Variants in CALU observed in about 807,000 individuals in gnomAD.
CALU encodes the protein IEF SSP 9302.
In CALU, 13 loss-of-function variants were observed where a neutral mutation model predicts 37.5. The observed-to-expected ratio is 0.35, with a 90% CI of 0.23 to 0.55. The LOEUF (loss-of-function observed/expected upper bound fraction) is 0.55, where lower values mean the gene tolerates loss of function less well. CALU is among the 20% of genes least tolerant of loss of function. The pLI is 0.89. For synonymous variants in CALU, 114 were observed against 133.8 expected (o/e 0.85, Z 1.02); for missense variants, 282 against 391.7 (o/e 0.72, Z 2.36).
intron 3 of CALU, among the ~76,000 whole-genome samples, chr7:128,758,439 A>G (rs1362858343): frequency 6.6e-6 from 1 of 152,216 alleles, no homozygotes; most frequent in Non-Finnish European, 1.5e-5. Flanking sequence ...TAAACCTTAC[A>G]ACAATCCTAT....
rs1263659282 is a variant in CALU at position 128,769,144 on chromosome 7, T to C, written c.925T>C (p.Leu309=). ...GSQATDFGEA[L]VRHDEF is the part of the protein sequence containing the mutation. ...CCAGGCCACAGATTTTGGGGAGGCC[T>C]TAGTACGGCATGATGAGTTCTGAGC... The change falls in exon 7 of 7, where the codon TTA becomes CTA. Residue 309 remains leucine, a synonymous_variant. Transcript: ENST00000249364. The C allele has an allele frequency of 6.2e-7, 1 of 1,602,212 alleles. No individual in the cohort carries two copies. The highest frequency in any genetic ancestry group is 1.7e-5 in the Admixed American group (1 of 59,952).
intron 1 of CALU, among the ~76,000 whole-genome samples, chr7:128,743,810 A>G (rs951538796): frequency 6.6e-6 from 1 of 152,168 alleles, no homozygotes; most frequent in Non-Finnish European, 1.5e-5. Context: ...GGCCCAGTCT[A>G]AACTTTTATA....
At chr7:128,764,572 TA>T (rs1239370606) in intron 5 of CALU, among the ~76,000 whole-genome samples, 1 of 152,226 alleles carries the variant, frequency 6.6e-6, no homozygotes, top group Admixed American at 6.5e-5. Context: ...ACGACAACTT[TA>T]AAAAGATAAT....
chr7:128,766,391 T>G (rs1227330970), intron 5 of CALU, among the ~76,000 whole-genome samples: 2 of 151,900 alleles, frequency 1.3e-5, no homozygotes, highest in Non-Finnish European at 2.9e-5. Context: ...TTCAGGCATT[T>G]GCATTCTCAA....
At chr7:128,762,972 T>G (rs1801181728) in intron 5 of CALU, among the ~76,000 whole-genome samples, 1 of 151,930 alleles carries the variant, frequency 6.6e-6, no homozygotes, top group African/African-American at 2.4e-5. Flanking sequence ...TGCCCCCAAA[T>G]TAGAATAGTA....
chr7:128,745,017 G>T (rs975196239), intron 1 of CALU, among the ~76,000 whole-genome samples: 4 of 152,112 alleles, frequency 2.6e-5, no homozygotes, highest in African/African-American at 9.7e-5. Context: ...CTCAAAACTT[G>T]GTACAGTATC....
At chr7:128,760,215 AGAT>A (rs1230013713) in intron 5 of CALU, among the ~76,000 whole-genome samples, 2 of 152,146 alleles carry the variant, frequency 1.3e-5, no homozygotes, top group Non-Finnish European at 2.9e-5. Context: ...AAAGAAAGAA[AGAT>A]GTATTTGCCC....
chr7:128,761,270 C>T (rs1345150933), intron 5 of CALU: 1 of 151,844 alleles, frequency 6.6e-6, no homozygotes, highest in South Asian at 2.1e-4. Context: ...AAAAAGCTGT[C>T]TTTCTTACCA....
At chr7:128,751,456 A>G (rs1191568064) in intron 2 of CALU, among the ~76,000 whole-genome samples, 1 of 152,100 alleles carries the variant, frequency 6.6e-6, no homozygotes, top group African/African-American at 2.4e-5. Context: ...GCTAGGCGCA[A>G]TGGCTCATGG....
rs771079013 is a variant in CALU, at chr7:128,748,664, T to G, written c.81T>G (p.Arg27=). 1 of 1,614,198 alleles carries G rather than the reference T, an allele frequency of 6.2e-7. No homozygotes were observed. Among genetic ancestry groups the G allele is most frequent in the South Asian group, 1.1e-5 (1 of 91,084 alleles). The change falls in exon 2 of 7, where the codon CGT becomes CGG. Residue 27 remains arginine, a synonymous_variant. Transcript: ENST00000249364. ...ALSKPTEKKD[R]VHHEPQLSDK... ...GCAAACCCACAGAAAAGAAGGACCG[T>G]GTACATCATGAGCCTCAGCTCAGTG... is the stretch of plus-strand genomic sequence containing the variant.
At chr7:128,745,479 C>T (rs753061318) in intron 1 of CALU, among the ~76,000 whole-genome samples, 1 of 151,682 alleles carries the variant, frequency 6.6e-6, no homozygotes, top group Non-Finnish European at 1.5e-5. Context: ...GTGGTACACA[C>T]TTGTATTCCC....
chr7:128,768,026 T>C (rs1369858512), intron 6 of CALU, among the ~76,000 whole-genome samples: 1 of 152,204 alleles, frequency 6.6e-6, no homozygotes, highest in East Asian at 1.9e-4. Flanking sequence ...AAGCTGGTTG[T>C]TTCCTTCTTA....
chr7:128,748,307 C>T (rs1350692464), intron 1 of CALU: 3 of 1,345,510 alleles, frequency 2.2e-6, no homozygotes, highest in Non-Finnish European at 3.0e-6. Flanking sequence ...TGAAAGAAAA[C>T]AGAAAGTGGA....
chr7:128,752,165 A>C (rs1374380310), intron 2 of CALU, among the ~76,000 whole-genome samples: 2 of 152,046 alleles, frequency 1.3e-5, no homozygotes, highest in South Asian at 2.1e-4. Flanking sequence ...ACACACACAC[A>C]CCATACCATA....
chr7:128,758,473 C>T (rs576696664), intron 3 of CALU, among the ~76,000 whole-genome samples: 48 of 152,180 alleles, frequency 3.2e-4, no homozygotes, highest in Non-Finnish European at 5.7e-4. Flanking sequence ...TTGCTAGCTC[C>T]ATTTTACAGA....
intron 1 of CALU, among the ~76,000 whole-genome samples, chr7:128,739,882 T>C (rs1759277803): frequency 6.6e-6 from 1 of 152,000 alleles, no homozygotes; most frequent in African/African-American, 2.4e-5. Context: ...CAAGGCCACA[T>C]CCCGACAGTA....
intron 4 of CALU, 89 bp downstream of exon 4, chr7:128,759,126 C>G: frequency 1.1e-6 from 1 of 891,468 alleles, no homozygotes; most frequent in African/African-American, 1.7e-5. Context: ...TATAGCATAT[C>G]TTATATATAT....
Position 128,748,812 on chromosome 7 carries a change from A to C in CALU, c.221+8A>C. ...GAGCAAGGAAAGGCTTGGGTAAGGT[A>C]CCACCTCTCAGGGGTCTAGTGTGGG... On this transcript the variant is annotated splice_region_variant and intron_variant, in intron 2 of 6. Coordinates refer to ENST00000249364, the MANE Select transcript of CALU (RefSeq NM_001219.5). 1.9e-6 allele frequency: 3 copies of C among 1,592,158 alleles called. No individual in the cohort carries two copies. Among genetic ancestry groups the C allele is most frequent in the Non-Finnish European group, 2.6e-6 (3 of 1,160,014 alleles).
chr7:128,761,062 A>G (rs1585015609), intron 5 of CALU, among the ~76,000 whole-genome samples: 1 of 152,172 alleles, frequency 6.6e-6, no homozygotes, highest in Non-Finnish European at 1.5e-5. Context: ...TGTTCTGTTC[A>G]TATTTTCTCT....
Sources: gnomAD v4.1 joint callset for allele counts (sites outside exome capture counted in the v4.1 genomes callset) on GRCh38, gnomAD v4.1.1 for gene constraint, MANE v1.5 for transcripts, NCBI Gene and HGNC (gene_info 2026-07-23, HGNC 2026-07-21) for gene names.